Variants in GALNT18 observed in about 807,000 individuals in gnomAD.
GALNT18 encodes polypeptide N-acetylgalactosaminyltransferase 18, also known as GalNAc-transferase 18.
A neutral mutation model predicts 69.5 loss-of-function variants in GALNT18; 44 were observed. The ratio of observed to expected loss-of-function variants is 0.63; its 90% CI spans 0.50 to 0.81. The LOEUF is 0.81. Among genes scored for constraint, GALNT18 ranks in the 40% least tolerant of loss-of-function variants. The probability of loss-of-function intolerance (pLI) is 0.00; values close to 1 mark genes in which losing one functional copy is unlikely to be tolerated. For missense variants in GALNT18, 715 were observed against 810.0 expected (o/e 0.88, Z 1.42); for synonymous variants, 364 against 318.2 (o/e 1.14, Z -1.53).
At position 11,275,483 on chromosome 11, in the gene GALNT18, G is replaced by C. The variant is rs185014487; in HGVS notation, c.1678-4193C>G. Among the ~76,000 whole-genome samples, 5 of 152,282 alleles carry C rather than the reference G, an allele frequency of 3.3e-5. No homozygotes were observed. In the East Asian group the frequency reaches 5.8e-4, roughly 18 times the overall value. ...TGCCAAAGTTTTCTCTCATTCTGTA[G>C]TTGCCTGTTCACTCTGATGATTTCT... On this transcript the variant is annotated intron_variant, in intron 10 of 10. Coordinates refer to ENST00000227756, the MANE Select transcript of GALNT18 (RefSeq NM_198516.3).
chr11:11,575,091 A>G (rs1423676329), intron 1 of GALNT18, among the ~76,000 whole-genome samples: 1 of 152,234 alleles, frequency 6.6e-6, no homozygotes, highest in Non-Finnish European at 1.5e-5. Context: ...AAGCCAGTCT[A>G]GAGCTTCCAG....
intron 1 of GALNT18, among the ~76,000 whole-genome samples, chr11:11,502,865 T>C (rs145616712): frequency 7.3e-4 from 111 of 152,298 alleles, no homozygotes; most frequent in African/African-American, 2.5e-3. Context: ...GCTCTCCGAA[T>C]GAAGGGCACT....
At chr11:11,488,535 T>C (rs547955844) in intron 1 of GALNT18, among the ~76,000 whole-genome samples, 2 of 152,264 alleles carry the variant, frequency 1.3e-5, no homozygotes, top group African/African-American at 4.8e-5. Flanking sequence ...GAGATTAGGA[T>C]GTGGACCTCT....
intron 6 of GALNT18, among the ~76,000 whole-genome samples, chr11:11,342,364 T>A (rs1221097045): frequency 6.6e-6 from 1 of 152,208 alleles, no homozygotes; most frequent in Admixed American, 6.5e-5. Flanking sequence ...ACAGTAGATA[T>A]TACTTGCCAG....
At chr11:11,508,601 C>A (rs779249921) in intron 1 of GALNT18, among the ~76,000 whole-genome samples, 1 of 152,222 alleles carries the variant, frequency 6.6e-6, no homozygotes, top group Non-Finnish European at 1.5e-5. Context: ...TTAGTCGCTG[C>A]AATTATTGTA....
chr11:11,400,115 C>A (rs1056306695), intron 3 of GALNT18, among the ~76,000 whole-genome samples: 1 of 152,164 alleles, frequency 6.6e-6, no homozygotes, highest in Non-Finnish European at 1.5e-5. Flanking sequence ...TGGACACTCT[C>A]TCTTGGATCA....
In GALNT18 at chr11:11,523,490, C is replaced by T. The variant is rs572310573; in HGVS notation, c.236-74554G>A. ...ACCGTGCCACTTTGGGAGGCTGAGG[C>T]GGGTGGATCATGAGGTCAGGAGATC... On this transcript the variant is annotated intron_variant, in intron 1 of 10. Transcript: ENST00000227756. This position sits in a 1 kb window ranked among gnomAD's most constrained non-coding sequence, Gnocchi z 4.3. Among the ~76,000 whole-genome samples the T allele has an allele frequency of 7.2e-5, 11 of 152,106 alleles. No homozygotes were observed. The highest frequency in any genetic ancestry group is 1.3e-4 in the Non-Finnish European group (9 of 68,000).
chr11:11,557,732 T>G (rs1858367192), intron 1 of GALNT18, among the ~76,000 whole-genome samples: 1 of 152,160 alleles, frequency 6.6e-6, no homozygotes, highest in African/African-American at 2.4e-5. Context: ...AGCAATGGCA[T>G]CTGAGGTTGC....
At chr11:11,539,242 C>G (rs1159865784) in intron 1 of GALNT18, among the ~76,000 whole-genome samples, 1 of 152,224 alleles carries the variant, frequency 6.6e-6, no homozygotes, top group Non-Finnish European at 1.5e-5. Context: ...ACCCACACCT[C>G]TGCTGCCCCA....
rs894886819 is a variant in GALNT18, at chr11:11,404,924, G to T, written c.596-25660C>A. 6.6e-6 allele frequency among the ~76,000 whole-genome samples: 1 copy of T among 152,110 alleles called. No individual in the cohort carries two copies. The highest frequency in any genetic ancestry group is 2.4e-5 in the African/African-American group (1 of 41,418). ...CCACCCAGGCCAATCATGTTTCCTA[G>T]AGCAGAGCATGAAAGGGGTCCCGCC... On this transcript the variant is annotated intron_variant, in intron 3 of 10. Coordinates refer to ENST00000227756, the MANE Select transcript of GALNT18 (RefSeq NM_198516.3). The surrounding 1 kb of genome is among the most constrained non-coding windows in gnomAD (Gnocchi z 4.5).
chr11:11,378,021 C>T (rs1853815946), intron 4 of GALNT18, among the ~76,000 whole-genome samples: 1 of 152,220 alleles, frequency 6.6e-6, no homozygotes, highest in Non-Finnish European at 1.5e-5. Flanking sequence ...ATTAATAATA[C>T]ATTTGGTGCA....
intron 1 of GALNT18, among the ~76,000 whole-genome samples, chr11:11,576,110 A>G (rs994537159): frequency 6.6e-6 from 1 of 152,202 alleles, no homozygotes; most frequent in Admixed American, 6.5e-5. Flanking sequence ...ATTTGTTTCC[A>G]GAAGGCAGAA....
At position 11,309,662 on chromosome 11, in the gene GALNT18, C is replaced by T. The variant is rs35992854; in HGVS notation, c.1513-16469G>A. Among the ~76,000 whole-genome samples, 25,054 of 152,078 alleles carry T rather than the reference C, an allele frequency of 0.16. 2,255 individuals are homozygous for T. The highest frequency in any genetic ancestry group is 0.19 in the African/African-American group (7,785 of 41,476). On this transcript the variant is annotated intron_variant, in intron 9 of 10. Coordinates refer to ENST00000227756, the MANE Select transcript of GALNT18 (RefSeq NM_198516.3). This position sits in a 1 kb window ranked among gnomAD's most constrained non-coding sequence, Gnocchi z 4.6. Reference sequence around the variant, plus strand: ...ATTAAATCCACCACAAACTCATGATCTTTAACCTCAACCAGGTACTTCAAC... The same window carrying T: ...ATTAAATCCACCACAAACTCATGATTTTTAACCTCAACCAGGTACTTCAAC...
At chr11:11,299,587 C>T (rs1031823578) in intron 9 of GALNT18, among the ~76,000 whole-genome samples, 1 of 152,216 alleles carries the variant, frequency 6.6e-6, no homozygotes, top group Non-Finnish European at 1.5e-5. Flanking sequence ...GTTTTCCATT[C>T]CTGAGTTACT....
intron 1 of GALNT18, among the ~76,000 whole-genome samples, chr11:11,547,993 G>T (rs1858101310): frequency 2.0e-5 from 3 of 152,276 alleles, no homozygotes; most frequent in East Asian, 3.9e-4. Flanking sequence ...GCTGAACCAG[G>T]ACTCCAGGCC....
rs1193974351 is a variant in GALNT18 at position 11,377,195 on chromosome 11, T to C, written c.964A>G (p.Thr322Ala). 3 of 1,612,992 alleles carry C rather than the reference T, an allele frequency of 1.9e-6. No homozygotes were observed. Among genetic ancestry groups the C allele is most frequent in the Non-Finnish European group, 2.5e-6 (3 of 1,180,018 alleles). ...GGTTTGCTTTACCTGATTGGCGCTG[T>C]GGAGTTCTCCAGCTTCCACCAGGCC... ...PKAWWKLENS[T>A]APIRSPALIG... The change falls in exon 5 of 11, where the codon ACA (threonine) becomes GCA (alanine). Residue 322 changes from threonine to alanine, a missense_variant. Transcript: ENST00000227756. This position sits in a 1 kb window ranked among gnomAD's most constrained non-coding sequence, Gnocchi z 4.6.
chr11:11,432,659 A>G lies in GALNT18; in HGVS notation c.557T>C (p.Leu186Pro). The G allele has an allele frequency of 1.2e-6, 2 of 1,611,886 alleles. No homozygotes were observed. The highest frequency in any genetic ancestry group is 1.1e-5 in the South Asian group (1 of 90,302). The change falls in exon 3 of 11, where the codon CTC (leucine) becomes CCC (proline). Residue 186 changes from leucine to proline, a missense_variant. By Grantham distance (98) the Leu-to-Pro change is moderately conservative (BLOSUM62 -3). Coordinates refer to ENST00000227756, the MANE Select transcript of GALNT18 (RefSeq NM_198516.3). The surrounding 1 kb of genome is among the most constrained non-coding windows in gnomAD (Gnocchi z 5.8). The stretch of plus-strand genomic sequence containing the variant: ...GTCATCCACCAGAATGATCTCCTTG[A>G]GCAGATGTGGGGGCGTGCGTTCCAT... ...SAMERTPPHL[L>P]KEIILVDDNS...
intron 1 of GALNT18, among the ~76,000 whole-genome samples, chr11:11,464,551 A>C (rs1483533356): frequency 1.3e-5 from 2 of 152,234 alleles, no homozygotes; most frequent in Non-Finnish European, 2.9e-5. Flanking sequence ...GCCCTGGCAC[A>C]CTGAGAAAGA....
At position 11,463,771 on chromosome 11, in the gene GALNT18, A is replaced by G. The variant is rs1402699730; in HGVS notation, c.236-14835T>C. Among the ~76,000 whole-genome samples the G allele has an allele frequency of 6.6e-6, 1 of 152,256 alleles. No homozygotes were observed. Among genetic ancestry groups the G allele is most frequent in the African/African-American group, 2.4e-5 (1 of 41,466 alleles). ...CATCAAAGGAAATAGGCCATTTTCA[A>G]ACAAAATCCATTTCTTGAGCATGAC... On this transcript the variant is annotated intron_variant, in intron 1 of 10. Transcript: ENST00000227756. The surrounding 1 kb of genome is among the most constrained non-coding windows in gnomAD (Gnocchi z 4.2).
Sources: allele counts gnomAD v4.1 joint callset (sites outside exome capture counted in the v4.1 genomes callset), GRCh38; gene constraint gnomAD v4.1.1; non-coding constraint Gnocchi (gnomAD v3.1); transcripts MANE v1.5; gene names NCBI Gene and HGNC (gene_info 2026-07-23, HGNC 2026-07-21).